The following LOC122526780 variants were observed in gnomAD, a reference collection of about 807,000 sequenced individuals.
the LOC122526780 span, chr17:6,637,281 C>A: frequency 6.6e-6 from 1 of 152,418 alleles, no homozygotes; most frequent in African/African-American, 2.4e-5. Flanking sequence ...GCAGAGGCAC[C>A]CTCCCGGCCT....
chr17:6,637,884 T>C, the LOC122526780 span: 1 of 153,082 alleles, frequency 6.5e-6, no homozygotes, highest in Non-Finnish European at 1.5e-5. Context: ...GCTGCCTCCC[T>C]GACAAGCCTG....
At chr17:6,638,285 A>G in the LOC122526780 span, 2 of 152,696 alleles carry the variant, frequency 1.3e-5, no homozygotes, top group Non-Finnish European at 2.9e-5. Context: ...GAAGCCACAG[A>G]TATTCTGGCA....
the LOC122526780 span, chr17:6,636,873 C>A: frequency 2.0e-5 from 3 of 152,294 alleles, no homozygotes; most frequent in African/African-American, 7.2e-5. Context: ...CTCCAGCCAG[C>A]CTCCTCCCAC....
chr17:6,639,998 T>C, the LOC122526780 span: 4 of 152,778 alleles, frequency 2.6e-5, no homozygotes, highest in African/African-American at 9.7e-5. This position sits in a 1 kb window ranked among gnomAD's most constrained non-coding sequence, Gnocchi z 4.3. Flanking sequence ...GCAGCCTCGA[T>C]GGAGCCTGGG....
the LOC122526780 span, chr17:6,638,240 C>G: frequency 1.3e-5 from 2 of 153,204 alleles, no homozygotes; most frequent in African/African-American, 4.8e-5. Context: ...TCCTCCCCGC[C>G]AGACCACAGC....
At chr17:6,638,982 G>C in the LOC122526780 span, 1 of 152,934 alleles carries the variant, frequency 6.5e-6, no homozygotes, top group African/African-American at 2.4e-5. Flanking sequence ...CACCCCCAGA[G>C]CCTGTCTCCA....
chr17:6,639,761 T>C, the LOC122526780 span: 15 of 152,634 alleles, frequency 9.8e-5, no homozygotes, highest in African/African-American at 3.6e-4. This position sits in a 1 kb window ranked among gnomAD's most constrained non-coding sequence, Gnocchi z 4.3. Flanking sequence ...TCGACTCTAC[T>C]TCCTTCCCCA....
At chr17:6,638,672 G>C in the LOC122526780 span, 1 of 152,926 alleles carries the variant, frequency 6.5e-6, no homozygotes, top group Non-Finnish European at 1.5e-5. Flanking sequence ...CCAAGCCCAG[G>C]CACTGCCTCG....
the LOC122526780 span, chr17:6,639,430 C>G: frequency 6.6e-6 from 1 of 152,408 alleles, no homozygotes; most frequent in Non-Finnish European, 1.5e-5. The surrounding 1 kb of genome is among the most constrained non-coding windows in gnomAD (Gnocchi z 4.3). Context: ...AAACCCATAG[C>G]CTATCTCCTC....
chr17:6,640,315 A>G, the LOC122526780 span: 1 of 152,704 alleles, frequency 6.5e-6, no homozygotes, highest in South Asian at 2.1e-4. Context: ...CTCCCGGCTC[A>G]TAGCTCCAGG....
chr17:6,637,234 G>C, the LOC122526780 span: 1 of 152,688 alleles, frequency 6.5e-6, no homozygotes, highest in Non-Finnish European at 1.5e-5. Context: ...CGCACGCCCT[G>C]CCATGGGAGC....
chr17:6,637,034 C>A, the LOC122526780 span: 15,492 of 152,426 alleles, frequency 0.1, 965 homozygotes, highest in Middle Eastern at 0.19. Context: ...CATAACCTGG[C>A]CCCAGGCACA....
chr17:6,638,144 G>A, the LOC122526780 span: 1 of 151,808 alleles, frequency 6.6e-6, no homozygotes, highest in Non-Finnish European at 1.5e-5. Flanking sequence ...AGCTTCTCCC[G>A]AGCCACGTGT....
the LOC122526780 span, chr17:6,639,007 C>A: frequency 6.5e-6 from 1 of 153,324 alleles, no homozygotes; most frequent in Non-Finnish European, 1.5e-5. The surrounding 1 kb of genome is among the most constrained non-coding windows in gnomAD (Gnocchi z 4.3). Context: ...CACAGGCTGT[C>A]CCCTTTCCCT....
the LOC122526780 span, chr17:6,638,551 T>G: frequency 6.4e-6 from 1 of 155,380 alleles, no homozygotes. Flanking sequence ...GCCAGCCTCC[T>G]GATCCACTGA....
At chr17:6,638,474 G>T in the LOC122526780 span, 1 of 154,008 alleles carries the variant, frequency 6.5e-6, no homozygotes, top group Non-Finnish European at 1.4e-5. Context: ...GCTGCCCTGG[G>T]TATGCCCACC....
At chr17:6,636,819 A>G in the LOC122526780 span, 2 of 146,130 alleles carry the variant, frequency 1.4e-5, no homozygotes, top group South Asian at 2.3e-4. Context: ...CCCCCACATA[A>G]CTCTCTCCCA....
At chr17:6,636,942 T>A in the LOC122526780 span, 1 of 152,282 alleles carries the variant, frequency 6.6e-6, no homozygotes, top group East Asian at 1.9e-4. Context: ...AAACTGAGGG[T>A]ACCCCCACAG....
chr17:6,640,089 A>G, the LOC122526780 span: 2 of 152,742 alleles, frequency 1.3e-5, no homozygotes. Flanking sequence ...ATGGCCGCTG[A>G]CGGCCCTGTG....
Sources: allele counts gnomAD v4.1 joint callset, GRCh38; gene constraint gnomAD v4.1.1; non-coding constraint Gnocchi (gnomAD v3.1); transcripts MANE v1.5.